Variants in SHOX observed in about 807,000 individuals in gnomAD.
SHOX encodes short stature homeobox protein.
Under a neutral mutation model 29.6 loss-of-function variants are expected in SHOX, and 12 were observed. The observed-to-expected ratio is 0.41, with a 90% CI of 0.26 to 0.66. The LOEUF is 0.66. Ranked by LOEUF, SHOX falls within the 30% of genes least tolerant of loss-of-function variation. The pLI is 0.35. For synonymous variants in SHOX, 214 were observed against 200.6 expected (o/e 1.07, Z -0.57); for missense variants, 499 against 437.7 (o/e 1.14, Z -1.25).
At chrX:638,676 C>G (rs2052798895) in intron 2 of SHOX, among the ~76,000 whole-genome samples, 1 of 152,210 alleles carries the variant, frequency 6.6e-6, no homozygotes, top group African/African-American at 2.4e-5. Flanking sequence ...AGAGCAAGTT[C>G]ACGTTGCGCT....
At chrX:652,883 C>CT (rs1486917335), downstream of SHOX, among the ~76,000 whole-genome samples, 1 of 6,502 alleles carries the variant, frequency 1.5e-4, no homozygotes, top group African/African-American at 1.1e-3. Context: ...CATCTCCAGC[C>CT]TGTTTTTTAG....
At chrX:652,432 G>A (rs1305215476), downstream of SHOX, among the ~76,000 whole-genome samples, 2 of 148,488 alleles carry the variant, frequency 1.3e-5, no homozygotes, top group East Asian at 4.0e-4. Context: ...TCCCGGCTGT[G>A]ATAAAAAACA....
rs143360725 is a variant in SHOX at position 634,766 on chromosome X, C to A, written c.426C>A (p.Pro142=). 3.7e-6 allele frequency: 6 copies of A among 1,608,926 alleles called. 1 individual carries two copies. The South Asian group carries it at 6.7e-5, about 18-fold the overall frequency. Residue 142 remains proline (P), a synonymous_variant, in exon 2 of 5, where the codon CCC becomes CCA. Transcript: ENST00000686671. ...GACTCTTCGACGAGACCCATTACCC[C>A]GACGCCTTCATGCGCGAGGAGCTCA... The part of the protein sequence containing the change: ...LERLFDETHY[P]DAFMREELSQ...
At chrX:640,930 G>T in intron 3 of SHOX, 52 bp downstream of exon 3, 3 of 1,613,326 alleles carry the variant, frequency 1.9e-6, no homozygotes, top group Non-Finnish European at 2.5e-6. Flanking sequence ...GCTCCAGGAG[G>T]GATGGGGTCG....
In SHOX at chrX:645,390, A is replaced by ATTTTTTT. The variant is rs1168989193; in HGVS notation, c.*781_*787dup. 150 of 78,346 alleles carry ATTTTTTT rather than the reference A, an allele frequency of 1.9e-3. 5 individuals carry two copies. The highest frequency in any genetic ancestry group is 2.6e-3 in the Non-Finnish European group (108 of 42,266). 4.9% of individuals were successfully genotyped at this position (78,346 alleles called of 1,614,324 possible). ...GGGTCTGGTTTTGTTTTGGATTGGT[A>ATTTTTTT]TTTTTTTTTTTTTTTTTTTTTTTTT... On this transcript the variant is annotated 3_prime_UTR_variant, in exon 5 of 5. Coordinates refer to ENST00000686671, the MANE Select transcript of SHOX (RefSeq NM_000451.4).
chrX:632,620 G>A (rs1292840363), intron 1 of SHOX, among the ~76,000 whole-genome samples: 1 of 152,174 alleles, frequency 6.6e-6, no homozygotes, highest in African/African-American at 2.4e-5. Context: ...ATTCGTAGGA[G>A]GCACCAGGCA....
chrX:633,485 G>T (rs1336991277), intron 1 of SHOX, among the ~76,000 whole-genome samples: 2 of 152,054 alleles, frequency 1.3e-5, no homozygotes, highest in East Asian at 3.9e-4. Context: ...GCTCGGGGTG[G>T]GGTGGGAGGG....
At chrX:627,556 A>G (rs2052560588), upstream of SHOX, among the ~76,000 whole-genome samples, 1 of 152,198 alleles carries the variant, frequency 6.6e-6, no homozygotes, top group African/African-American at 2.4e-5. Flanking sequence ...AAAGTGTGCC[A>G]TGAATCGGAC....
rs761802211 is a variant in SHOX, at chrX:649,078, C to T, written c.*4442C>T. On this transcript the variant is annotated 3_prime_UTR_variant, in exon 5 of 5. Transcript: ENST00000686671. ...TCTTCGATGAAGTCTCACTCTGTCA[C>T]CCAGGCTGGAGTGCAGTGGTGCAAT... is the stretch of plus-strand genomic sequence containing the variant. Among the ~76,000 whole-genome samples the T allele has an allele frequency of 1.3e-5, 2 of 150,598 alleles. No individual in the cohort carries two copies. Among genetic ancestry groups the T allele is most frequent in the South Asian group, 2.1e-4 (1 of 4,774 alleles).
chrX:629,507 A>G (rs1313893398), upstream of SHOX, among the ~76,000 whole-genome samples: 2 of 73,476 alleles, frequency 2.7e-5, no homozygotes, highest in Middle Eastern at 9.3e-3. Context: ...CTCTCTCTCC[A>G]TCTCTCTCTC....
In SHOX at chrX:630,958, G is replaced by T; in HGVS notation, c.61G>T (p.Gly21Cys). ...SFDQKSKDGN[G>C]GGGGGGGKKD... The stretch of plus-strand genomic sequence containing the variant: ...TGACCAGAAAAGCAAGGACGGTAAC[G>T]GCGGAGGCGGAGGCGGCGGAGGTAA... Residue 21 changes from glycine to cysteine, a missense_variant, in exon 1 of 5, where the codon GGC (glycine) becomes TGC (cysteine). By Grantham distance (159) the Gly-to-Cys change is radical. Transcript: ENST00000686671. 6.2e-7 allele frequency: 1 copy of T among 1,613,304 alleles called. No homozygotes were observed. The highest frequency in any genetic ancestry group is 2.2e-5 in the East Asian group (1 of 44,870).
chrX:644,148 T>C (rs1293444197), intron 4 of SHOX, among the ~76,000 whole-genome samples: 1 of 152,140 alleles, frequency 6.6e-6, no homozygotes, highest in Admixed American at 6.5e-5. Flanking sequence ...CCCCCTCCCA[T>C]GCGCTTTGCA....
intron 2 of SHOX, among the ~76,000 whole-genome samples, chrX:636,971 T>TATATATATATATATATATATATA (rs1243797446): frequency 3.9e-5 from 5 of 129,304 alleles, no homozygotes; most frequent in South Asian, 2.3e-4. Context: ...TATATATATA[T>TATATATATATATATATATATATA]TTTGGCTCCT....
chrX:632,456 GAC>G (rs2052667627), intron 1 of SHOX, among the ~76,000 whole-genome samples: 1 of 152,224 alleles, frequency 6.6e-6, no homozygotes, highest in African/African-American at 2.4e-5. Context: ...TCATTACAAA[GAC>G]GCAGAGAATC....
chrX:653,954 T>C (rs1003877380), downstream of SHOX, among the ~76,000 whole-genome samples: 3 of 152,136 alleles, frequency 2.0e-5, no homozygotes, highest in Admixed American at 2.0e-4. Flanking sequence ...TTTGCAAGCA[T>C]GCCTATATTG....
At chrX:658,182 C>T (rs2053173717) in intron 5 of SHOX, among the ~76,000 whole-genome samples, 1 of 151,974 alleles carries the variant, frequency 6.6e-6, no homozygotes, top group Non-Finnish European at 1.5e-5. Flanking sequence ...ACCATGTTGG[C>T]CAGGCTGGTC....
At chrX:640,237 C>A (rs1356146083) in intron 2 of SHOX, among the ~76,000 whole-genome samples, 1 of 151,812 alleles carries the variant, frequency 6.6e-6, no homozygotes, top group Non-Finnish European at 1.5e-5. Context: ...CCCAGCTACT[C>A]GGGAAGCTGA....
At chrX:640,173 C>T (rs1381988082) in intron 2 of SHOX, among the ~76,000 whole-genome samples, 3 of 151,880 alleles carry the variant, frequency 2.0e-5, no homozygotes, top group Non-Finnish European at 2.9e-5. Context: ...GGTGAAACCC[C>T]ATCTCTACTA....
rs868787806 is a variant in SHOX, at chrX:650,809, A to C, written c.*6173A>C. ...TTTGACATTAAAAAAAAAAAAAAAA[A>C]AAAAAAAAAACTGGTGCCTAATTTA... On this transcript the variant is annotated 3_prime_UTR_variant, in exon 5 of 5. Transcript: ENST00000686671. 1.8e-4 allele frequency among the ~76,000 whole-genome samples: 26 copies of C among 148,518 alleles called. No homozygotes were observed. In the East Asian group the frequency reaches 2.5e-3, roughly 14 times the overall value.
Sources: gnomAD v4.1 joint callset for allele counts (sites outside exome capture counted in the v4.1 genomes callset) on GRCh38, gnomAD v4.1.1 for gene constraint, MANE v1.5 for transcripts, NCBI Gene and HGNC (gene_info 2026-07-23, HGNC 2026-07-21) for gene names.